Variants in PLA2G4A observed in about 807,000 individuals in gnomAD.
The protein encoded by PLA2G4A is cytosolic phospholipase A2.
A neutral mutation model predicts 81.9 loss-of-function variants in PLA2G4A; 40 were observed. That is an observed-to-expected ratio of 0.49 (90% CI 0.38 to 0.64). PLA2G4A has a LOEUF of 0.64. PLA2G4A is among the 30% of genes least tolerant of loss of function. The pLI is 0.00. For missense variants in PLA2G4A, 715 were observed against 905.1 expected (o/e 0.79, Z 2.69); for synonymous variants, 302 against 296.9 (o/e 1.02, Z -0.18).
intron 2 of PLA2G4A, among the ~76,000 whole-genome samples, chr1:186,855,771 C>A (rs1158787675): frequency 6.6e-6 from 1 of 151,946 alleles, no homozygotes; most frequent in Non-Finnish European, 1.5e-5. Context: ...CCATCATATT[C>A]TTTTTGAATG....
intron 1 of PLA2G4A, among the ~76,000 whole-genome samples, chr1:186,829,581 A>T (rs1277374253): frequency 6.6e-6 from 1 of 152,122 alleles, no homozygotes. Flanking sequence ...CTGTAAACGG[A>T]CTGGTGTTCT....
intron 1 of PLA2G4A, among the ~76,000 whole-genome samples, chr1:186,849,257 A>T (rs1020663920): frequency 2.6e-5 from 4 of 151,936 alleles, no homozygotes; most frequent in African/African-American, 9.7e-5. Context: ...GGCACTAGGG[A>T]TGTCTCTATT....
At chr1:186,892,136 A>C (rs1164890520) in intron 3 of PLA2G4A, among the ~76,000 whole-genome samples, 1 of 152,010 alleles carries the variant, frequency 6.6e-6, no homozygotes, top group Non-Finnish European at 1.5e-5. Flanking sequence ...TGTTGGTTAC[A>C]TTATTAGATG....
At chr1:186,892,936 A>G (rs1215488766) in intron 3 of PLA2G4A, 75 bp from the exon 4 acceptor site, 2 of 1,014,446 alleles carry the variant, frequency 2.0e-6, no homozygotes, top group Middle Eastern at 2.1e-4. Flanking sequence ...TAAACTGACA[A>G]CATATATTAA....
chr1:186,927,696 A>C (rs1655597451), intron 7 of PLA2G4A, among the ~76,000 whole-genome samples: 1 of 152,262 alleles, frequency 6.6e-6, no homozygotes, highest in African/African-American at 2.4e-5. Flanking sequence ...ATGGACCTTA[A>C]GTAATTAATT....
chr1:186,887,970 T>C (rs1653994522), intron 3 of PLA2G4A, among the ~76,000 whole-genome samples: 1 of 152,202 alleles, frequency 6.6e-6, no homozygotes, highest in Non-Finnish European at 1.5e-5. Context: ...CTTACAATGA[T>C]TAGAGCTGAT....
At position 186,912,855 on chromosome 1, in the gene PLA2G4A, A is replaced by T. The variant is rs12744872; in HGVS notation, c.558+1466A>T. Reference sequence around the variant, plus strand: ...TAAGTGTATGTATGTATTTGTATATAATATATATATAAGGCATACTTACGC... The same window carrying T: ...TAAGTGTATGTATGTATTTGTATATTATATATATATAAGGCATACTTACGC... On this transcript the variant is annotated intron_variant, in intron 7 of 17. Transcript: ENST00000367466. Among the ~76,000 whole-genome samples the T allele has an allele frequency of 3.4e-5, 5 of 146,418 alleles. No homozygotes were observed. In the East Asian group the frequency reaches 9.8e-4, roughly 29 times the overall value.
At chr1:186,956,896 T>A (rs1014817666) in intron 14 of PLA2G4A, among the ~76,000 whole-genome samples, 15 of 151,958 alleles carry the variant, frequency 9.9e-5, no homozygotes, top group Non-Finnish European at 1.8e-4. Context: ...TTAATAATAT[T>A]GAGGAGGACG....
At chr1:186,876,129 C>T (rs1481735726) in intron 3 of PLA2G4A, among the ~76,000 whole-genome samples, 1 of 152,064 alleles carries the variant, frequency 6.6e-6, no homozygotes, top group African/African-American at 2.4e-5. Context: ...GATGAGTCAG[C>T]AACAGTTCTG....
chr1:186,949,947 G>A (rs12407699), intron 12 of PLA2G4A, among the ~76,000 whole-genome samples: 32,062 of 152,090 alleles, frequency 0.21, 3,943 homozygotes, highest in Admixed American at 0.33. Flanking sequence ...AAGGTGGAAC[G>A]GTTGCTTGAG....
intron 6 of PLA2G4A, among the ~76,000 whole-genome samples, chr1:186,910,046 CAG>C (rs2102152212): frequency 6.6e-6 from 1 of 152,060 alleles, no homozygotes; most frequent in Admixed American, 6.5e-5. Flanking sequence ...ATTTTAATAA[CAG>C]TATCATTTAA....
chr1:186,936,327 G>T (rs1655942590), intron 8 of PLA2G4A, among the ~76,000 whole-genome samples: 2 of 151,952 alleles, frequency 1.3e-5, no homozygotes, highest in Non-Finnish European at 2.9e-5. Flanking sequence ...CAAAGGTCAA[G>T]ATATGTGTTA....
At chr1:186,932,644 G>A in intron 7 of PLA2G4A, 119 bp from the exon 8 acceptor site, 5 of 1,045,652 alleles carry the variant, frequency 4.8e-6, no homozygotes, top group Non-Finnish European at 3.0e-6. Flanking sequence ...AAAGTATGAA[G>A]TTAACTTACA....
intron 3 of PLA2G4A, among the ~76,000 whole-genome samples, chr1:186,879,056 G>A (rs1653629723): frequency 6.6e-6 from 1 of 151,776 alleles, no homozygotes; most frequent in South Asian, 2.1e-4. Flanking sequence ...TAAAAATTAG[G>A]TAATGTAGAG....
At chr1:186,844,378 A>G (rs865795663) in intron 1 of PLA2G4A, among the ~76,000 whole-genome samples, 1 of 152,216 alleles carries the variant, frequency 6.6e-6, no homozygotes, top group South Asian at 2.1e-4. Flanking sequence ...CTTAGTAACT[A>G]TATATCATTA....
intron 17 of PLA2G4A, among the ~76,000 whole-genome samples, 174 bp downstream of exon 17, chr1:186,979,646 A>T (rs556960489): frequency 6.6e-6 from 1 of 152,300 alleles, no homozygotes; most frequent in Admixed American, 6.5e-5. Context: ...AACCCTACAA[A>T]ACTGACAAAT....
At chr1:186,836,092 C>G (rs1237521411) in intron 1 of PLA2G4A, among the ~76,000 whole-genome samples, 2 of 151,900 alleles carry the variant, frequency 1.3e-5, no homozygotes, top group Admixed American at 6.6e-5. Flanking sequence ...TTGTTACAAT[C>G]TGTTTAAAAT....
chr1:186,870,517 G>C lies in PLA2G4A; in HGVS notation c.115+1G>C. ...ACAAAGGGGGCCTTTGGTGACATGC[G>C]TAAGTGCCCTTTTTTTCTTTGCTGT... On this transcript the variant is annotated splice_donor_variant, in intron 3 of 17. Transcript: ENST00000367466. LOFTEE classifies it high-confidence loss of function. 1 of 1,597,478 alleles carries C rather than the reference G, an allele frequency of 6.3e-7. No homozygotes were observed. Among genetic ancestry groups the C allele is most frequent in the South Asian group, 1.1e-5 (1 of 90,668 alleles).
chr1:186,876,723 A>T (rs749668065), intron 3 of PLA2G4A, among the ~76,000 whole-genome samples: 1 of 152,098 alleles, frequency 6.6e-6, no homozygotes, highest in African/African-American at 2.4e-5. Flanking sequence ...TCTCCGGGTG[A>T]TGGTGTTTAG....
Sources: gnomAD v4.1 joint callset for allele counts (sites outside exome capture counted in the v4.1 genomes callset) on GRCh38, gnomAD v4.1.1 for gene constraint, MANE v1.5 for transcripts, NCBI Gene and HGNC (gene_info 2026-07-23, HGNC 2026-07-21) for gene names.